TNKS: variants seen among roughly 807,000 people sequenced by gnomAD.
The protein encoded by TNKS is poly [ADP-ribose] polymerase tankyrase-1.
Under a neutral mutation model 135.8 loss-of-function variants are expected in TNKS, and 72 were observed. That is an observed-to-expected ratio of 0.53 (90% CI 0.44 to 0.64). The LOEUF (loss-of-function observed/expected upper bound fraction) is 0.64, where lower values mean the gene tolerates loss of function less well. Among genes scored for constraint, TNKS ranks in the 30% least tolerant of loss-of-function variants. The pLI is 0.00. For synonymous variants in TNKS, 849 were observed against 649.3 expected (o/e 1.31, Z -4.68); for missense variants, 1,769 against 1,674.0 (o/e 1.06, Z -0.99).
At chr8:9,636,180 A>T (rs1182471710) in intron 3 of TNKS, among the ~76,000 whole-genome samples, 2 of 152,242 alleles carry the variant, frequency 1.3e-5, no homozygotes, top group African/African-American at 2.4e-5. Context: ...GATATAAAGC[A>T]CATGGGCAGA....
chr8:9,641,282 A>AT lies in TNKS; in HGVS notation c.994+25621dup, dbSNP rs1299721420. 4.0e-3 allele frequency among the ~76,000 whole-genome samples: 539 copies of AT among 133,722 alleles called. 49 individuals are homozygous for AT. The highest frequency in any genetic ancestry group is 0.012 in the Middle Eastern group (3 of 254). 87.7% of individuals were successfully genotyped at this position (133,722 alleles called of 152,430 possible). A position where few individuals can be genotyped will look rare whatever the true frequency, so the allele number is the denominator to read the frequency against. ...TATATATGCATATGCTCAATTCAGAATTTTTTTTTTTTTTTTACCACTTGA... is the reference window on the plus strand; with the variant it reads ...TATATATGCATATGCTCAATTCAGAATTTTTTTTTTTTTTTTTACCACTTGA... On this transcript the variant is annotated intron_variant, in intron 3 of 26. Coordinates refer to ENST00000310430, the MANE Select transcript of TNKS (RefSeq NM_003747.3).
intron 1 of TNKS, among the ~76,000 whole-genome samples, chr8:9,562,180 G>C (rs760855480): frequency 6.6e-5 from 10 of 151,778 alleles, no homozygotes; most frequent in Non-Finnish European, 1.0e-4. Flanking sequence ...GTTTTATTCA[G>C]TTTTGTTGGG....
intron 25 of TNKS, among the ~76,000 whole-genome samples, chr8:9,767,731 G>C (rs926668306): frequency 6.6e-6 from 1 of 151,942 alleles, no homozygotes; most frequent in African/African-American, 2.4e-5. Flanking sequence ...AGGCCGAGGC[G>C]GGCAGATCAT....
At chr8:9,723,710 ATTAG>A (rs1456645981) in intron 12 of TNKS, among the ~76,000 whole-genome samples, 2 of 152,242 alleles carry the variant, frequency 1.3e-5, no homozygotes, top group African/African-American at 4.8e-5. Flanking sequence ...AAATCTTTCC[ATTAG>A]TTACACTAGC....
intron 2 of TNKS, among the ~76,000 whole-genome samples, chr8:9,586,302 C>G (rs1184047280): frequency 6.6e-6 from 1 of 152,042 alleles, no homozygotes; most frequent in African/African-American, 2.4e-5. Context: ...TTATTTAATA[C>G]CATAATTAAA....
intron 2 of TNKS, among the ~76,000 whole-genome samples, chr8:9,605,221 C>T (rs529017320): frequency 1.1e-4 from 16 of 152,142 alleles, no homozygotes; most frequent in Admixed American, 6.5e-4. Flanking sequence ...GATCTATTTT[C>T]TGACATTATA....
chr8:9,715,362 G>A (rs56293196), intron 11 of TNKS, among the ~76,000 whole-genome samples: 90,177 of 150,744 alleles, frequency 0.6, 27,124 homozygotes, highest in Middle Eastern at 0.7. Flanking sequence ...CTAGCAGCAG[G>A]GGGGGCGGGT....
chr8:9,705,778 G>T (rs550357828), intron 6 of TNKS, among the ~76,000 whole-genome samples: 10 of 152,256 alleles, frequency 6.6e-5, no homozygotes, highest in Admixed American at 1.3e-4. Context: ...AGAATACTTT[G>T]ATATGCAAGT....
intron 3 of TNKS, among the ~76,000 whole-genome samples, chr8:9,660,403 T>A (rs764372321): frequency 6.6e-6 from 1 of 152,204 alleles, no homozygotes; most frequent in Non-Finnish European, 1.5e-5. Context: ...TCAAGTGGGC[T>A]TCATCCCTGG....
At chr8:9,683,584 G>C (rs76959422) in intron 5 of TNKS, among the ~76,000 whole-genome samples, 1 of 151,874 alleles carries the variant, frequency 6.6e-6, no homozygotes, top group African/African-American at 2.4e-5. Flanking sequence ...CCATGAAAAT[G>C]TTAATTTTGA....
intron 2 of TNKS, among the ~76,000 whole-genome samples, chr8:9,593,541 T>A (rs1398900412): frequency 4.6e-5 from 7 of 152,174 alleles, no homozygotes; most frequent in Non-Finnish European, 7.3e-5. Context: ...AGGTGGAAAA[T>A]AATCTTCACC....
At position 9,734,879 on chromosome 8, in the gene TNKS, A is replaced by G. The variant is rs1308740968; in HGVS notation, c.2328A>G (p.Pro776=). ...CTTCTTTGTAGCATGGAGCAGATCC[A>G]ACTAAAAAGAACAGAGATGGAAATA... ...CKLLLKHGAD[P]TKKNRDGNTP... The change falls in exon 16 of 27, where the codon CCA becomes CCG. Residue 776 remains proline (P), a synonymous_variant. Coordinates refer to ENST00000310430, the MANE Select transcript of TNKS (RefSeq NM_003747.3). 7 of 1,613,996 alleles carry G rather than the reference A, an allele frequency of 4.3e-6. No individual in the cohort carries two copies. In the South Asian group the frequency reaches 5.5e-5, roughly 13 times the overall value.
chr8:9,762,108 G>GT (rs777784096), intron 21 of TNKS, among the ~76,000 whole-genome samples: 2 of 152,124 alleles, frequency 1.3e-5, no homozygotes, highest in Non-Finnish European at 2.9e-5. Context: ...TGCTAACATG[G>GT]TTTTTTACAA....
chr8:9,630,530 T>G (rs1271023267), intron 3 of TNKS, among the ~76,000 whole-genome samples: 2 of 152,210 alleles, frequency 1.3e-5, no homozygotes, highest in East Asian at 3.8e-4. Context: ...CTAACAGACT[T>G]ACTCTTCAAA....
chr8:9,723,224 A>G (rs1046713838), intron 12 of TNKS, among the ~76,000 whole-genome samples: 6 of 148,206 alleles, frequency 4.0e-5, no homozygotes, highest in African/African-American at 1.5e-4. Context: ...TACTATTTTT[A>G]CCAGGAATTT....
chr8:9,730,726 A>G (rs1805395552), intron 13 of TNKS, among the ~76,000 whole-genome samples, 164 bp from the exon 14 acceptor site: 3 of 152,230 alleles, frequency 2.0e-5, no homozygotes, highest in Admixed American at 2.0e-4. Context: ...ACTGAAAGGC[A>G]TAGTGCTGAT....
chr8:9,618,199 C>T (rs947508384), intron 3 of TNKS, among the ~76,000 whole-genome samples: 1 of 152,136 alleles, frequency 6.6e-6, no homozygotes, highest in African/African-American at 2.4e-5. Context: ...GCTGGCCAGG[C>T]TGATCTCGAA....
At chr8:9,623,836 T>G (rs924990685) in intron 3 of TNKS, among the ~76,000 whole-genome samples, 2 of 152,036 alleles carry the variant, frequency 1.3e-5, no homozygotes, top group Non-Finnish European at 2.9e-5. Flanking sequence ...ACCCCGTCTC[T>G]ACCAAAAATA....
chr8:9,730,979 G>A lies in TNKS; in HGVS notation c.2091G>A (p.Val697=), dbSNP rs756888699. The change falls in exon 14 of 27, where the codon GTG becomes GTA. Residue 697 remains valine, a synonymous_variant. Transcript: ENST00000310430. ...ACTTCGCAGCAGGCTACAACCGCGT[G>A]TCTGTTGTAGAGTACCTGCTACACC... ...PLHFAAGYNR[V]SVVEYLLHHG... 1.7e-5 allele frequency: 28 copies of A among 1,613,908 alleles called. No individual in the cohort carries two copies. Among genetic ancestry groups the A allele is most frequent in the African/African-American group, 2.7e-5 (2 of 74,918 alleles).
Sources: allele counts gnomAD v4.1 joint callset (sites outside exome capture counted in the v4.1 genomes callset), GRCh38; gene constraint gnomAD v4.1.1; transcripts MANE v1.5; gene names NCBI Gene and HGNC (gene_info 2026-07-23, HGNC 2026-07-21).